FOXN3: variants seen among roughly 807,000 people sequenced by gnomAD.
FOXN3 encodes the protein forkhead box protein N3.
In FOXN3, 7 loss-of-function variants were observed where a neutral mutation model predicts 38.4. That is an observed-to-expected ratio of 0.18 (90% CI 0.10 to 0.34). The LOEUF is 0.34. Among genes scored for constraint, FOXN3 ranks in the 10% least tolerant of loss-of-function variants. FOXN3 has a pLI of 1.00. For synonymous variants in FOXN3, 230 were observed against 242.2 expected, an observed-to-expected ratio of 0.95 and a Z score of 0.47; for missense variants, 456 against 613.4, an observed-to-expected ratio of 0.74 and a Z score of 2.71.
At chr14:89,520,610 A>G (rs537402431) in intron 1 of FOXN3, among the ~76,000 whole-genome samples, 4 of 152,346 alleles carry the variant, frequency 2.6e-5, no homozygotes, top group Admixed American at 2.6e-4. Flanking sequence ...AAAGATATTT[A>G]CCTGCTGCTC....
intron 4 of FOXN3, among the ~76,000 whole-genome samples, chr14:89,186,330 TTTTG>T (rs1887807024): frequency 2.0e-5 from 3 of 152,008 alleles, no homozygotes; most frequent in Admixed American, 2.0e-4. Flanking sequence ...CATTTTGTTG[TTTTG>T]TTTATTATCT....
intron 2 of FOXN3, among the ~76,000 whole-genome samples, chr14:89,402,659 C>T (rs1891281714): frequency 6.6e-6 from 1 of 152,148 alleles, no homozygotes; most frequent in African/African-American, 2.4e-5. Context: ...CCCTCCTGTC[C>T]TTCCCTGCAC....
chr14:89,512,868 TG>T (rs1389625360), intron 1 of FOXN3, among the ~76,000 whole-genome samples: 2 of 151,946 alleles, frequency 1.3e-5, no homozygotes, highest in African/African-American at 2.4e-5. Flanking sequence ...AGGCTGGGTG[TG>T]GTGGCTCATG....
chr14:89,246,541 G>GTTTTTTTT (rs1410355460), intron 4 of FOXN3, among the ~76,000 whole-genome samples: 1 of 34,348 alleles, frequency 2.9e-5, no homozygotes, highest in Admixed American at 2.9e-4. Flanking sequence ...GCAGGATGCG[G>GTTTTTTTT]CTTTTTTTTT....
intron 4 of FOXN3, among the ~76,000 whole-genome samples, chr14:89,238,824 T>C (rs1885054023): frequency 6.6e-6 from 1 of 152,098 alleles, no homozygotes; most frequent in Non-Finnish European, 1.5e-5. Flanking sequence ...ATCAAGAGTG[T>C]GAGTGAAATG....
chr14:89,467,812 T>TG (rs1893007566), intron 1 of FOXN3, among the ~76,000 whole-genome samples: 1 of 127,036 alleles, frequency 7.9e-6, no homozygotes, highest in Non-Finnish European at 1.7e-5. Flanking sequence ...TTGTTTTTTT[T>TG]TTTTTTTTTT....
At chr14:89,435,938 G>A (rs1390714227) in intron 1 of FOXN3, among the ~76,000 whole-genome samples, 1 of 152,112 alleles carries the variant, frequency 6.6e-6, no homozygotes, top group African/African-American at 2.4e-5. Context: ...ACTGACTAAA[G>A]GCACAGCAGG....
At chr14:89,172,163 T>C (rs1887406245) in intron 5 of FOXN3, among the ~76,000 whole-genome samples, 2 of 152,132 alleles carry the variant, frequency 1.3e-5, no homozygotes, top group South Asian at 4.1e-4. Context: ...ATAAGAACTT[T>C]AGGGAAAAAA....
intron 4 of FOXN3, among the ~76,000 whole-genome samples, chr14:89,246,103 C>T (rs953663338): frequency 3.3e-5 from 5 of 151,502 alleles, no homozygotes; most frequent in Non-Finnish European, 7.4e-5. Flanking sequence ...CACAACTCTG[C>T]GAAAAAAAAC....
chr14:89,301,964 A>G (rs1887230346), intron 3 of FOXN3, among the ~76,000 whole-genome samples: 1 of 151,918 alleles, frequency 6.6e-6, no homozygotes, highest in African/African-American at 2.4e-5. Context: ...CACCACCTGT[A>G]CCAACCTTTT....
At chr14:89,550,532 G>A (rs962386566) in intron 1 of FOXN3, among the ~76,000 whole-genome samples, 2 of 152,190 alleles carry the variant, frequency 1.3e-5, no homozygotes, top group African/African-American at 4.8e-5. Context: ...ACTCTGCATC[G>A]CCCAGGGATA....
chr14:89,159,875 T>C lies in FOXN3; in HGVS notation c.*2539A>G, dbSNP rs1240653588. ...TATTCCCACCTACACCCTGAATAAA[T>C]ATGCTGGAAGTATTCAGCTTCAGGT... On this transcript the variant is annotated 3_prime_UTR_variant, in exon 6 of 6. Coordinates refer to ENST00000557258, the MANE Select transcript of FOXN3 (RefSeq NM_005197.4). 2 of 152,196 alleles carry C rather than the reference T, an allele frequency of 1.3e-5. No individual in the cohort carries two copies. The highest frequency in any genetic ancestry group is 2.9e-5 in the Non-Finnish European group (2 of 68,038). 9.4% of individuals were successfully genotyped at this position (152,196 alleles called of 1,614,324 possible).
intron 2 of FOXN3, among the ~76,000 whole-genome samples, chr14:89,395,748 T>C (rs1364583071): frequency 1.3e-5 from 2 of 152,144 alleles, no homozygotes; most frequent in Admixed American, 6.5e-5. Flanking sequence ...TATTACTATT[T>C]ATTAATATTA....
intron 4 of FOXN3, among the ~76,000 whole-genome samples, chr14:89,267,643 T>C (rs751183032): frequency 7.2e-5 from 11 of 152,222 alleles, no homozygotes; most frequent in Admixed American, 1.3e-4. Flanking sequence ...ACCAAAGATA[T>C]AGCCTCTTCA....
At position 89,412,379 on chromosome 14, in the gene FOXN3, T is replaced by C. The variant is rs774391467; in HGVS notation, c.98A>G (p.Lys33Arg). The part of the protein sequence containing the change: ...SQCYGGSGFS[K>R]ALQEDDDLDF... ...GAGGTCATCGTCTTCCTGAAGGGCC[T>C]TGGAGAAACCGCTGCCCCCGTAACA... Residue 33 changes from lysine to arginine, a missense_variant, in exon 2 of 6, where the codon AAG becomes AGG. Physicochemically the swap from Lys to Arg is conservative, Grantham distance 26. Coordinates refer to ENST00000557258, the MANE Select transcript of FOXN3 (RefSeq NM_005197.4). The surrounding 1 kb of genome is among the most constrained non-coding windows in gnomAD (Gnocchi z 4.7). 44 of 1,614,060 alleles carry C rather than the reference T, an allele frequency of 2.7e-5. No individual in the cohort carries two copies. The highest frequency in any genetic ancestry group is 3.7e-5 in the Non-Finnish European group (44 of 1,180,030).
In FOXN3 at chr14:89,467,814, T is replaced by TG. The variant is rs1484890404; in HGVS notation, c.-14-55325_-14-55324insC. 2.3e-3 allele frequency among the ~76,000 whole-genome samples: 293 copies of TG among 129,058 alleles called. 5 individuals carry two copies. The highest frequency in any genetic ancestry group is 3.3e-3 in the Non-Finnish European group (200 of 59,734). The allele number at this position is 129,058 out of a possible 152,430, so 84.7% of individuals were successfully genotyped here. On this transcript the variant is annotated intron_variant, in intron 1 of 6. Coordinates refer to the FOXN3 transcript ENST00000345097. ...TTCTTTTCTTTCTTTGTTTTTTTTT[T>TG]TTTTTTTTTTTTTTGGGTAGAGATT...
intron 1 of FOXN3, among the ~76,000 whole-genome samples, chr14:89,542,550 T>C (rs1270131887): frequency 6.6e-6 from 1 of 152,232 alleles, no homozygotes; most frequent in African/African-American, 2.4e-5. Flanking sequence ...TCATTGCTTT[T>C]GTAGAACAGC....
chr14:89,581,115 G>A (rs1031612203), intron 1 of FOXN3, among the ~76,000 whole-genome samples: 3 of 152,002 alleles, frequency 2.0e-5, no homozygotes, highest in Admixed American at 6.6e-5. Flanking sequence ...CTGGAAGGTC[G>A]AGGCCACAGT....
intron 1 of FOXN3, among the ~76,000 whole-genome samples, chr14:89,479,478 G>C (rs1893279432): frequency 6.6e-6 from 1 of 152,018 alleles, no homozygotes; most frequent in South Asian, 2.1e-4. Flanking sequence ...TTTAAATAAA[G>C]CAAGCTCTCC....
Sources: allele counts gnomAD v4.1 joint callset (sites outside exome capture counted in the v4.1 genomes callset), GRCh38; gene constraint gnomAD v4.1.1; non-coding constraint Gnocchi (gnomAD v3.1); transcripts MANE v1.5; gene names NCBI Gene and HGNC (gene_info 2026-07-23, HGNC 2026-07-21).